PDLIM5: variants seen among roughly 807,000 people sequenced by gnomAD.
The protein encoded by PDLIM5 is PDZ and LIM domain 5.
A neutral mutation model predicts 64.2 loss-of-function variants in PDLIM5; 34 were observed. That is an observed-to-expected ratio of 0.53 (90% CI 0.40 to 0.71). The LOEUF is 0.71. Among genes scored for constraint, PDLIM5 ranks in the 30% least tolerant of loss-of-function variants. The pLI, the probability that PDLIM5 is intolerant of heterozygous loss-of-function variation, is 0.00. For synonymous variants in PDLIM5, 253 were observed against 269.1 expected (o/e 0.94, Z 0.59); for missense variants, 683 against 733.6 (o/e 0.93, Z 0.80).
intron 2 of PDLIM5, among the ~76,000 whole-genome samples, chr4:94,517,958 G>A (rs1665694479): frequency 6.6e-6 from 1 of 152,160 alleles, no homozygotes; most frequent in Admixed American, 6.6e-5. Flanking sequence ...TATTGCTGAT[G>A]CCTATTTTCT....
chr4:94,487,328 G>A (rs951761085), intron 2 of PDLIM5, among the ~76,000 whole-genome samples: 2 of 152,106 alleles, frequency 1.3e-5, no homozygotes, highest in African/African-American at 4.8e-5. Context: ...TGAAGAACTT[G>A]ACCAGCTGGA....
Position 94,654,475 on chromosome 4 carries a change from G to A in PDLIM5, c.1299G>A (p.Val433=). The change falls in exon 10 of 13, where the codon GTG becomes GTA. Residue 433 remains valine, a synonymous_variant. Coordinates refer to ENST00000317968, the MANE Select transcript of PDLIM5 (RefSeq NM_006457.5). ...CTTCTGTCAGAGGACCATTCTTAGTGGCACTGGGGAAATCTTGGCACCCAG... is the reference window on the plus strand; with the variant it reads ...CTTCTGTCAGAGGACCATTCTTAGTAGCACTGGGGAAATCTTGGCACCCAG... ...CNQVIRGPFL[V]ALGKSWHPEE... 2 of 1,609,310 alleles carry A rather than the reference G, an allele frequency of 1.2e-6. No homozygotes were observed. Among genetic ancestry groups the A allele is most frequent in the Non-Finnish European group, 1.7e-6 (2 of 1,175,808 alleles).
intron 3 of PDLIM5, among the ~76,000 whole-genome samples, chr4:94,529,108 A>C (rs985077586): frequency 6.6e-6 from 1 of 152,200 alleles, no homozygotes. Flanking sequence ...ATCAAATTTA[A>C]GTTTTCCAGG....
At chr4:94,548,256 C>G (rs1349437608) in intron 3 of PDLIM5, among the ~76,000 whole-genome samples, 1 of 152,154 alleles carries the variant, frequency 6.6e-6, no homozygotes, top group East Asian at 1.9e-4. Context: ...CTACTTAATT[C>G]AGAAGAGCCC....
At chr4:94,517,174 G>A (rs1329471002) in intron 2 of PDLIM5, among the ~76,000 whole-genome samples, 1 of 152,126 alleles carries the variant, frequency 6.6e-6, no homozygotes, top group Non-Finnish European at 1.5e-5. Context: ...TTGTTGAGTG[G>A]GTTGAGTAGT....
chr4:94,635,726 C>T (rs190039810), intron 8 of PDLIM5, among the ~76,000 whole-genome samples: 8 of 152,304 alleles, frequency 5.3e-5, no homozygotes, highest in Non-Finnish European at 1.0e-4. Context: ...CCCTCTTCCC[C>T]GTAAGCCAAG....
chr4:94,455,302 G>A lies in PDLIM5; in HGVS notation c.14G>A (p.Ser5Asn), dbSNP rs1273733827. 1.2e-6 allele frequency: 2 copies of A among 1,610,208 alleles called. No individual in the cohort carries two copies. Among genetic ancestry groups the A allele is most frequent in the East Asian group, 2.2e-5 (1 of 44,858 alleles). Residue 5 changes from serine (S) to asparagine (N), a missense_variant, in exon 2 of 13, where the codon AGT becomes AAT. Transcript: ENST00000317968. Reference protein sequence around the residue: MSNYSVSLVGPAPWG... With the variant: MSNYNVSLVGPAPWG... ...GCCATTAGAACCATGAGCAACTACAGTGTGTCACTGGTTGGCCCAGCTCCT... is the reference window on the plus strand; with the variant it reads ...GCCATTAGAACCATGAGCAACTACAATGTGTCACTGGTTGGCCCAGCTCCT...
At chr4:94,550,814 A>G (rs754532133) in intron 3 of PDLIM5, among the ~76,000 whole-genome samples, 3 of 152,138 alleles carry the variant, frequency 2.0e-5, no homozygotes, top group Admixed American at 6.5e-5. Context: ...GAATTTTGTC[A>G]TCTTCTTGTA....
rs115216260 is a variant in PDLIM5, at chr4:94,626,351, T to C, written c.1108+8160T>C. ...ACAATAAGGTAATGTCATTAAAATT[T>C]AAAATTTAAATAGGCATTATTTAAT... On this transcript the variant is annotated intron_variant, in intron 8 of 12. Transcript: ENST00000317968. 4.2e-3 allele frequency among the ~76,000 whole-genome samples: 635 copies of C among 152,346 alleles called. 3 individuals are homozygous for C. The highest frequency in any genetic ancestry group is 7.1e-3 in the Non-Finnish European group (483 of 68,028).
rs1460805736 is a variant in PDLIM5 at position 94,461,454 on chromosome 4, G to A, written c.96+6070G>A. On this transcript the variant is annotated intron_variant, in intron 2 of 12. Coordinates refer to ENST00000317968, the MANE Select transcript of PDLIM5 (RefSeq NM_006457.5). Reference sequence around the variant, plus strand: ...GCCACTATATAGTCTTGTTGAGAAGGCAGGTTTGGTTCCTTAATTAACAGA... The same window carrying A: ...GCCACTATATAGTCTTGTTGAGAAGACAGGTTTGGTTCCTTAATTAACAGA... 2.6e-5 allele frequency among the ~76,000 whole-genome samples: 4 copies of A among 152,222 alleles called. No homozygotes were observed. In the East Asian group the frequency reaches 5.8e-4, roughly 22 times the overall value.
At chr4:94,659,091 T>C (rs1742445519) in intron 11 of PDLIM5, among the ~76,000 whole-genome samples, 1 of 152,220 alleles carries the variant, frequency 6.6e-6, no homozygotes, top group Non-Finnish European at 1.5e-5. Context: ...AAAACATTAT[T>C]GAATATTTAT....
chr4:94,581,228 G>C (rs1735706710), intron 5 of PDLIM5, among the ~76,000 whole-genome samples: 1 of 151,944 alleles, frequency 6.6e-6, no homozygotes, highest in Admixed American at 6.6e-5. Context: ...ATTCCATTTG[G>C]GCACATTTTC....
chr4:94,626,135 TG>T (rs1186822215), intron 8 of PDLIM5, among the ~76,000 whole-genome samples: 2 of 152,194 alleles, frequency 1.3e-5, no homozygotes, highest in African/African-American at 4.8e-5. Context: ...AGTTAATTTT[TG>T]CTTCTGTTGT....
chr4:94,466,540 G>A (rs11938329), intron 2 of PDLIM5, among the ~76,000 whole-genome samples: 2,953 of 151,996 alleles, frequency 0.019, 75 homozygotes, highest in African/African-American at 0.061. Flanking sequence ...CTTATGTTTG[G>A]GAACCATATG....
At chr4:94,461,445 G>C (rs1410335896) in intron 2 of PDLIM5, among the ~76,000 whole-genome samples, 1 of 152,022 alleles carries the variant, frequency 6.6e-6, no homozygotes, top group Non-Finnish European at 1.5e-5. Flanking sequence ...ATATAGTCTT[G>C]TTGAGAAGGC....
At chr4:94,507,525 C>T (rs1023595850) in intron 2 of PDLIM5, among the ~76,000 whole-genome samples, 8 of 152,164 alleles carry the variant, frequency 5.3e-5, no homozygotes, top group African/African-American at 1.9e-4. Flanking sequence ...ATATATAAGG[C>T]ACTCATTAAC....
intron 9 of PDLIM5, among the ~76,000 whole-genome samples, chr4:94,653,693 A>T (rs1389418517): frequency 6.6e-6 from 1 of 152,208 alleles, no homozygotes; most frequent in Non-Finnish European, 1.5e-5. Flanking sequence ...GATCTGCTGT[A>T]CAACATTGTG....
chr4:94,464,447 A>G (rs1724166426), intron 2 of PDLIM5, among the ~76,000 whole-genome samples: 1 of 152,222 alleles, frequency 6.6e-6, no homozygotes, highest in Non-Finnish European at 1.5e-5. Context: ...AAGTGGTAGA[A>G]TTAAGAGATT....
chr4:94,522,769 T>C (rs1360325327), intron 2 of PDLIM5, among the ~76,000 whole-genome samples: 1 of 152,254 alleles, frequency 6.6e-6, no homozygotes, highest in African/African-American at 2.4e-5. Context: ...TATAAGATTT[T>C]AGTTTCAAGT....
Sources: gnomAD v4.1 joint callset for allele counts (sites outside exome capture counted in the v4.1 genomes callset) on GRCh38, gnomAD v4.1.1 for gene constraint, MANE v1.5 for transcripts, NCBI Gene and HGNC (gene_info 2026-07-23, HGNC 2026-07-21) for gene names.